Variants in RC3H1 observed in about 807,000 individuals in gnomAD.
The protein encoded by RC3H1 is ring finger and CCCH-type domains 1, also known as roquin-1.
RC3H1 carries 50 observed loss-of-function variants against 138.2 expected under a neutral mutation model. The ratio of observed to expected loss-of-function variants is 0.36; its 90% CI spans 0.29 to 0.46. RC3H1 has a LOEUF of 0.46. Among genes scored for constraint, RC3H1 ranks in the 20% least tolerant of loss-of-function variants. RC3H1 has a pLI of 1.00. For missense variants in RC3H1, 1,031 were observed against 1,388.1 expected, an observed-to-expected ratio of 0.74 and a Z score of 4.09; for synonymous variants, 462 against 489.1, an observed-to-expected ratio of 0.94 and a Z score of 0.73.
chr1:173,964,746 T>G, intron 10 of RC3H1, 93 bp downstream of exon 10: 5 of 1,145,298 alleles, frequency 4.4e-6, no homozygotes, highest in East Asian at 2.6e-5. Flanking sequence ...TAATCAGGGT[T>G]TTTTTTTTTT....
intron 13 of RC3H1, 45 bp from the exon 14 acceptor site, chr1:173,952,183 A>T: frequency 6.9e-7 from 1 of 1,445,694 alleles, no homozygotes; most frequent in Admixed American, 2.5e-5. Flanking sequence ...AAAAAGAGAA[A>T]GAAACAAAAC....
intron 18 of RC3H1, among the ~76,000 whole-genome samples, chr1:173,942,403 A>T (rs1463991480): frequency 7.5e-6 from 1 of 133,588 alleles, no homozygotes; most frequent in African/African-American, 2.9e-5. Context: ...ACTGCCCTCC[A>T]CCCTGGGTGA....
chr1:173,995,248 A>G (rs1661435189), intron 1 of RC3H1, among the ~76,000 whole-genome samples: 1 of 152,136 alleles, frequency 6.6e-6, no homozygotes, highest in African/African-American at 2.4e-5. Flanking sequence ...TATAGTAGAG[A>G]TGAGGCCAGG....
At chr1:173,952,259 C>T (rs1478704363) in intron 13 of RC3H1, 121 bp from the exon 14 acceptor site, 4 of 557,072 alleles carry the variant, frequency 7.2e-6, no homozygotes, top group Non-Finnish European at 1.1e-5. Context: ...CGTGCTGAAG[C>T]AACATAATGA....
Position 173,992,746 on chromosome 1 carries a change from C to A in RC3H1, c.231+9G>T. The A allele has an allele frequency of 1.3e-6, 2 of 1,590,052 alleles. No homozygotes were observed. The highest frequency in any genetic ancestry group is 2.3e-5 in the East Asian group (1 of 44,368). ...GAGAAATTTAAAAGTATTAAGTCACCCATCCTACCTGAGCACCCACGAGCT... is the reference window on the plus strand; with the variant it reads ...GAGAAATTTAAAAGTATTAAGTCACACATCCTACCTGAGCACCCACGAGCT... On this transcript the variant is annotated intron_variant, in intron 2 of 19. Transcript: ENST00000367696.
chr1:173,992,179 A>G (rs1480166539), intron 2 of RC3H1, among the ~76,000 whole-genome samples: 1 of 152,056 alleles, frequency 6.6e-6, no homozygotes, highest in Non-Finnish European at 1.5e-5. Flanking sequence ...ACAGGGTCTC[A>G]CTCTGTCACC....
chr1:174,009,961 T>A (rs975362420), intron 1 of RC3H1, among the ~76,000 whole-genome samples: 6 of 152,204 alleles, frequency 3.9e-5, no homozygotes, highest in African/African-American at 1.4e-4. Flanking sequence ...TTGGTCTCAT[T>A]ATTAATTTTA....
intron 1 of RC3H1, among the ~76,000 whole-genome samples, chr1:174,006,571 T>G (rs75336078): frequency 6.6e-6 from 1 of 152,220 alleles, no homozygotes; most frequent in African/African-American, 2.4e-5. Context: ...CTTCCAACTT[T>G]GAGCACTTGT....
At position 173,934,877 on chromosome 1, in the gene RC3H1, C is replaced by T. The variant is rs1320873080; in HGVS notation, c.*3844G>A. The T allele has an allele frequency of 6.6e-6, 1 of 151,990 alleles. No individual in the cohort carries two copies. Among genetic ancestry groups the T allele is most frequent in the African/African-American group, 2.4e-5 (1 of 41,362 alleles). 9.4% of individuals were successfully genotyped at this position (151,990 alleles called of 1,614,324 possible). On this transcript the variant is annotated 3_prime_UTR_variant, in exon 20 of 20. Transcript: ENST00000367696. ...AACTTTGAGCTCCATCCCTGAAGAA[C>T]TCTGGAAAGTCTGATGGAGTTATAT...
intron 13 of RC3H1, among the ~76,000 whole-genome samples, chr1:173,955,443 G>A (rs946257299): frequency 2.0e-5 from 3 of 147,694 alleles, no homozygotes; most frequent in Non-Finnish European, 3.0e-5. Flanking sequence ...TCAGCCTCCC[G>A]AGGAGCTGGG....
At chr1:174,002,735 T>G (rs1661583612) in intron 1 of RC3H1, among the ~76,000 whole-genome samples, 1 of 152,236 alleles carries the variant, frequency 6.6e-6, no homozygotes, top group Admixed American at 6.5e-5. Context: ...CTACAAAAGC[T>G]GCCCTTTTCT....
chr1:173,983,251 T>C (rs958576657), intron 4 of RC3H1, among the ~76,000 whole-genome samples, 167 bp downstream of exon 4: 1 of 152,222 alleles, frequency 6.6e-6, no homozygotes, highest in African/African-American at 2.4e-5. Context: ...GTTCACCTAG[T>C]AAGTCCACTA....
chr1:173,978,522 A>C lies in RC3H1; in HGVS notation c.1068T>G (p.His356Gln), dbSNP rs779157875. ...DPANLNRLRP[H>Q]LELLANIDPS... ...GGTCAATGTTTGCTAACAGCTCCAAATGGGGTCTTAGTCGGTTCAAGTTTG... is the reference window on the plus strand; with the variant it reads ...GGTCAATGTTTGCTAACAGCTCCAACTGGGGTCTTAGTCGGTTCAAGTTTG... The change falls in exon 7 of 20, where the codon CAT (histidine) becomes CAG (glutamine). Residue 356 changes from histidine to glutamine, a missense_variant. His to Gln is a conservative substitution (Grantham distance 24). Transcript: ENST00000367696. 1.2e-6 allele frequency: 2 copies of C among 1,613,936 alleles called. No homozygotes were observed. Among genetic ancestry groups the C allele is most frequent in the Non-Finnish European group, 1.7e-6 (2 of 1,179,986 alleles).
rs908273714 is a variant in RC3H1 at position 173,931,233 on chromosome 1, T to G, written c.*7488A>C. 2 of 152,204 alleles carry G rather than the reference T, an allele frequency of 1.3e-5. No individual in the cohort carries two copies. The highest frequency in any genetic ancestry group is 6.5e-5 in the Admixed American group (1 of 15,272). The allele number at this position is 152,204 out of a possible 1,614,324, so 9.4% of individuals were successfully genotyped here. On this transcript the variant is annotated 3_prime_UTR_variant, in exon 20 of 20. Transcript: ENST00000367696. ...CACACGTTCCTCATTAATTTATCAT[T>G]TAATATAAATGCTGACAGAAAGCAG...
chr1:173,978,824 T>C (rs1475782829), intron 6 of RC3H1, among the ~76,000 whole-genome samples: 2 of 152,240 alleles, frequency 1.3e-5, no homozygotes, highest in Non-Finnish European at 2.9e-5. Flanking sequence ...TTGTGTACTG[T>C]ATTGCCTCTG....
chr1:173,951,034 A>G (rs765006730), intron 14 of RC3H1, among the ~76,000 whole-genome samples: 2 of 149,840 alleles, frequency 1.3e-5, no homozygotes, highest in African/African-American at 2.5e-5. Flanking sequence ...ATAAAAAGAG[A>G]TAAGATGAAG....
intron 18 of RC3H1, among the ~76,000 whole-genome samples, chr1:173,941,976 C>T (rs1462666147): frequency 6.7e-6 from 1 of 148,514 alleles, no homozygotes; most frequent in African/African-American, 2.5e-5. Flanking sequence ...TGGTGGCTCA[C>T]ACCAGTAATC....
At chr1:174,000,424 G>A (rs1661541382) in intron 1 of RC3H1, among the ~76,000 whole-genome samples, 1 of 152,112 alleles carries the variant, frequency 6.6e-6, no homozygotes, top group Non-Finnish European at 1.5e-5. Flanking sequence ...CTCCTCTGAG[G>A]CATTACTATG....
chr1:173,984,194 G>A (rs971465048), intron 3 of RC3H1, among the ~76,000 whole-genome samples: 2 of 152,098 alleles, frequency 1.3e-5, no homozygotes, highest in Admixed American at 1.3e-4. Context: ...ATCATCATTC[G>A]AATAATGTTT....
Sources: gnomAD v4.1 joint callset for allele counts (sites outside exome capture counted in the v4.1 genomes callset) on GRCh38, gnomAD v4.1.1 for gene constraint, MANE v1.5 for transcripts, NCBI Gene and HGNC (gene_info 2026-07-23, HGNC 2026-07-21) for gene names.